MTX2: variants seen among roughly 807,000 people sequenced by gnomAD.
The protein encoded by MTX2 is metaxin 2.
Under a neutral mutation model 42.3 loss-of-function variants are expected in MTX2, and 35 were observed. The ratio of observed to expected loss-of-function variants is 0.83; its 90% CI spans 0.63 to 1.10. The LOEUF (loss-of-function observed/expected upper bound fraction) is 1.10, where lower values mean the gene tolerates loss of function less well. Among genes scored for constraint, MTX2 ranks in the 50% least tolerant of loss-of-function variants. MTX2 has a pLI of 0.00. For synonymous variants in MTX2, 119 were observed against 100.9 expected (o/e 1.18, Z -1.08); for missense variants, 307 against 304.1 (o/e 1.01, Z -0.07).
chr2:176,278,250 C>T (rs564035915), intron 1 of MTX2, among the ~76,000 whole-genome samples: 2 of 151,744 alleles, frequency 1.3e-5, no homozygotes, highest in Non-Finnish European at 2.9e-5. Context: ...GGGGTTTTAC[C>T]ATGTTGGCCA....
intron 4 of MTX2, among the ~76,000 whole-genome samples, chr2:176,325,406 A>G (rs931400489): frequency 1.3e-5 from 2 of 151,640 alleles, no homozygotes; most frequent in African/African-American, 4.8e-5. Context: ...ATTCACTTCT[A>G]ATTTGTTGTG....
chr2:176,305,419 T>C (rs376607909), intron 3 of MTX2, among the ~76,000 whole-genome samples: 8 of 152,210 alleles, frequency 5.3e-5, no homozygotes, highest in African/African-American at 1.7e-4. Context: ...GTAACTGCTG[T>C]TGTGTTAGGT....
At position 176,323,421 on chromosome 2, in the gene MTX2, C is replaced by G; in HGVS notation, c.165C>G (p.Ile55Met). The change falls in exon 4 of 10, where the codon ATC (isoleucine) becomes ATG (methionine). Residue 55 changes from isoleucine (I) to methionine (M), a missense_variant. Physicochemically the swap from Ile to Met is conservative, Grantham distance 10. Coordinates refer to ENST00000249442, the MANE Select transcript of MTX2 (RefSeq NM_006554.5). ...TTTTGCAAATGTGTAACTTGCCTAT[C>G]AAAGTAGTTTGTAGGGCAAATGCAG... ...QAFLQMCNLPIKVVCRANAEY... is the reference protein window; with the variant it reads ...QAFLQMCNLPMKVVCRANAEY... The G allele has an allele frequency of 6.2e-7, 1 of 1,611,194 alleles. No homozygotes were observed. Among genetic ancestry groups the G allele is most frequent in the Non-Finnish European group, 8.5e-7 (1 of 1,178,216 alleles).
intron 8 of MTX2, 148 bp from the exon 9 acceptor site, chr2:176,330,436 G>A (rs1264493562): frequency 2.5e-6 from 1 of 394,908 alleles, no homozygotes; most frequent in East Asian, 4.1e-5. Context: ...ATATATATAT[G>A]TGGTCTATGG....
intron 3 of MTX2, among the ~76,000 whole-genome samples, chr2:176,311,759 G>GTCTT (rs1684314347): frequency 6.6e-6 from 1 of 152,244 alleles, no homozygotes; most frequent in Non-Finnish European, 1.5e-5. Context: ...ACCATGGGAA[G>GTCTT]AGCACAGTAT....
At chr2:176,330,241 G>C (rs1226005283) in intron 8 of MTX2, among the ~76,000 whole-genome samples, 1 of 150,738 alleles carries the variant, frequency 6.6e-6, no homozygotes, top group East Asian at 1.9e-4. Flanking sequence ...AGACACTTTT[G>C]TTCTTGACAA....
intron 3 of MTX2, among the ~76,000 whole-genome samples, chr2:176,313,479 A>G (rs570071796): frequency 7.2e-5 from 10 of 139,394 alleles, no homozygotes; most frequent in Admixed American, 4.9e-4. Flanking sequence ...TGCAACTTCC[A>G]TCTCCCAGGC....
chr2:176,311,583 G>T (rs575349568), intron 3 of MTX2, among the ~76,000 whole-genome samples: 36 of 152,326 alleles, frequency 2.4e-4, no homozygotes, highest in African/African-American at 8.4e-4. Context: ...AGGTGGCTTT[G>T]TTTACCTACT....
At chr2:176,334,164 G>C (rs948753327) in intron 9 of MTX2, among the ~76,000 whole-genome samples, 6 of 151,682 alleles carry the variant, frequency 4.0e-5, no homozygotes, top group Non-Finnish European at 7.4e-5. Flanking sequence ...AACCACTTCA[G>C]GGGTACTTCT....
At chr2:176,309,719 G>GTT (rs1684248616) in intron 3 of MTX2, among the ~76,000 whole-genome samples, 1 of 133,008 alleles carries the variant, frequency 7.5e-6, no homozygotes, top group Admixed American at 7.4e-5. Context: ...TGCAACCTCT[G>GTT]CTTTTTTTTT....
chr2:176,324,164 A>G (rs896436473), intron 4 of MTX2, among the ~76,000 whole-genome samples: 12 of 151,728 alleles, frequency 7.9e-5, no homozygotes, highest in Admixed American at 1.3e-4. Context: ...AATACGTAGA[A>G]TTACTCCTTT....
intron 3 of MTX2, among the ~76,000 whole-genome samples, chr2:176,322,892 C>G (rs971037504): frequency 6.6e-6 from 1 of 151,668 alleles, no homozygotes; most frequent in Non-Finnish European, 1.5e-5. Flanking sequence ...AAAGTGAATT[C>G]GTGAGCACAG....
chr2:176,299,022 G>C (rs1683961125), intron 3 of MTX2, among the ~76,000 whole-genome samples: 1 of 152,088 alleles, frequency 6.6e-6, no homozygotes, highest in Non-Finnish European at 1.5e-5. Flanking sequence ...TTTAGGAAGT[G>C]CTGAAGTAAT....
At chr2:176,300,587 A>G (rs1451045139) in intron 3 of MTX2, among the ~76,000 whole-genome samples, 2 of 152,132 alleles carry the variant, frequency 1.3e-5, no homozygotes, top group Non-Finnish European at 2.9e-5. Flanking sequence ...AGAATACAAT[A>G]TGAGCAAATA....
intron 1 of MTX2, among the ~76,000 whole-genome samples, chr2:176,278,290 A>G (rs1470527060): frequency 6.6e-6 from 1 of 151,938 alleles, no homozygotes; most frequent in Non-Finnish European, 1.5e-5. Context: ...ACCTTATGTG[A>G]TCTGCCCGCC....
intron 1 of MTX2, among the ~76,000 whole-genome samples, chr2:176,286,306 A>C (rs1288643607): frequency 6.6e-6 from 1 of 152,188 alleles, no homozygotes; most frequent in Non-Finnish European, 1.5e-5. Context: ...TGCTGTCGTT[A>C]TCATAATCAT....
intron 1 of MTX2, among the ~76,000 whole-genome samples, chr2:176,289,261 TG>T (rs1252233820): frequency 6.6e-6 from 1 of 152,108 alleles, no homozygotes; most frequent in Non-Finnish European, 1.5e-5. Context: ...ATTTATTTTA[TG>T]GCTTTCAGAA....
chr2:176,333,373 GTTAC>G (rs1285088102), intron 9 of MTX2, among the ~76,000 whole-genome samples: 1 of 151,572 alleles, frequency 6.6e-6, no homozygotes, highest in African/African-American at 2.4e-5. Flanking sequence ...GATAAAATAT[GTTAC>G]TTGTCTTTTT....
chr2:176,292,612 A>G (rs1051982134), intron 1 of MTX2, among the ~76,000 whole-genome samples: 3 of 152,200 alleles, frequency 2.0e-5, no homozygotes, highest in Non-Finnish European at 2.9e-5. Context: ...ATAGATTTAC[A>G]TATGAAGACA....
Sources: allele counts gnomAD v4.1 joint callset (sites outside exome capture counted in the v4.1 genomes callset), GRCh38; gene constraint gnomAD v4.1.1; transcripts MANE v1.5; gene names NCBI Gene and HGNC (gene_info 2026-07-23, HGNC 2026-07-21).